PPP1R12A: variants seen among roughly 807,000 people sequenced by gnomAD.
PPP1R12A encodes the protein myosin binding subunit.
A neutral mutation model predicts 139.6 loss-of-function variants in PPP1R12A; 19 were observed. That is an observed-to-expected ratio of 0.14 (90% CI 0.09 to 0.20). The LOEUF is 0.20. Ranked by LOEUF, PPP1R12A falls within the 10% of genes least tolerant of loss-of-function variation. The pLI is 1.00. For missense variants in PPP1R12A, 925 were observed against 1,211.5 expected, an observed-to-expected ratio of 0.76 and a Z score of 3.51; for synonymous variants, 427 against 420.6, an observed-to-expected ratio of 1.02 and a Z score of -0.19.
rs901789018 is a variant in PPP1R12A at position 79,803,830 on chromosome 12, A to T, written c.2000+1762T>A. Among the ~76,000 whole-genome samples, 11 of 152,232 alleles carry T rather than the reference A, an allele frequency of 7.2e-5. No individual in the cohort carries two copies. The East Asian group carries it at 2.1e-3, about 29-fold the overall frequency. On this transcript the variant is annotated intron_variant, in intron 14 of 24. Coordinates refer to ENST00000450142, the MANE Select transcript of PPP1R12A (RefSeq NM_002480.3). Reference sequence around the variant, plus strand: ...AAATATATCCAAGCGTTTAATTTTCAATCTTCAATGTCTTCCATTAAAACT... The same window carrying T: ...AAATATATCCAAGCGTTTAATTTTCTATCTTCAATGTCTTCCATTAAAACT...
In PPP1R12A at chr12:79,796,963, A is replaced by G. The variant is rs971388721; in HGVS notation, c.2293-13T>C. ...AACGCTGGTAAGTCTGTGAAACATT[A>G]AGATCAAAACCCATTTGAAACATTA... On this transcript the variant is annotated splice_polypyrimidine_tract_variant and intron_variant, in intron 16 of 24. Coordinates refer to ENST00000450142, the MANE Select transcript of PPP1R12A (RefSeq NM_002480.3). The G allele has an allele frequency of 1.3e-6, 2 of 1,589,770 alleles. No homozygotes were observed. Among genetic ancestry groups the G allele is most frequent in the African/African-American group, 1.4e-5 (1 of 73,308 alleles).
At chr12:79,924,957 A>T (rs1887719648) in intron 1 of PPP1R12A, among the ~76,000 whole-genome samples, 1 of 152,196 alleles carries the variant, frequency 6.6e-6, no homozygotes, top group African/African-American at 2.4e-5. Flanking sequence ...AATATCATGT[A>T]ATCACGGATA....
chr12:79,809,490 G>A (rs1289713856), intron 10 of PPP1R12A, among the ~76,000 whole-genome samples: 2 of 151,956 alleles, frequency 1.3e-5, no homozygotes, highest in African/African-American at 4.8e-5. Flanking sequence ...ACTTCAGAAA[G>A]TTTCTTGAAT....
intron 3 of PPP1R12A, among the ~76,000 whole-genome samples, chr12:79,833,235 A>G (rs1399086458): frequency 6.6e-6 from 1 of 152,064 alleles, no homozygotes. Flanking sequence ...ATGCCACTGC[A>G]TTACAGCCTG....
At chr12:79,879,501 G>T (rs1163994179) in intron 1 of PPP1R12A, among the ~76,000 whole-genome samples, 6 of 152,128 alleles carry the variant, frequency 3.9e-5, no homozygotes, top group Non-Finnish European at 8.8e-5. Context: ...TGTAGAAAGG[G>T]AGATCCTATT....
At chr12:79,899,761 T>A (rs961372416) in intron 1 of PPP1R12A, among the ~76,000 whole-genome samples, 1 of 152,182 alleles carries the variant, frequency 6.6e-6, no homozygotes, top group Admixed American at 6.5e-5. Flanking sequence ...TCAGCAGGTA[T>A]ACACTGACTT....
intron 1 of PPP1R12A, among the ~76,000 whole-genome samples, chr12:79,874,503 T>C (rs1292888599): frequency 1.3e-5 from 2 of 152,070 alleles, no homozygotes; most frequent in Non-Finnish European, 2.9e-5. Context: ...AAAAATGTCA[T>C]TTGGTAACAG....
chr12:79,876,924 C>T (rs1592754792), intron 1 of PPP1R12A, among the ~76,000 whole-genome samples: 1 of 152,092 alleles, frequency 6.6e-6, no homozygotes, highest in Admixed American at 6.6e-5. Flanking sequence ...GACAGGAGAA[C>T]CGCTTGACCC....
chr12:79,808,535 T>C lies in PPP1R12A; in HGVS notation c.1498A>G (p.Thr500Ala). The change falls in exon 11 of 25, where the codon ACA (threonine) becomes GCA (alanine). Residue 500 changes from threonine (T) to alanine (A), a missense_variant. Physicochemically the swap from Thr to Ala is moderately conservative, Grantham distance 58 (BLOSUM62 0). Transcript: ENST00000450142. ...KGTRLAYVAP[T>A]IPRRLASTSD... The stretch of plus-strand genomic sequence containing the variant: ...GTACTGGCTAGTCGTCTTGGTATTG[T>C]AGGTGCAACATATGCAAGCCTAGTT... The C allele has an allele frequency of 1.9e-6, 3 of 1,610,012 alleles. No individual in the cohort carries two copies. The highest frequency in any genetic ancestry group is 1.7e-5 in the Admixed American group (1 of 59,800).
At chr12:79,839,955 A>G (rs949604462) in intron 3 of PPP1R12A, among the ~76,000 whole-genome samples, 10 of 152,354 alleles carry the variant, frequency 6.6e-5, no homozygotes, top group African/African-American at 2.4e-4. Context: ...AGATGCCCCT[A>G]TACTTTTGTT....
chr12:79,903,450 C>CAA (rs35870019), intron 1 of PPP1R12A, among the ~76,000 whole-genome samples: 1,450 of 134,056 alleles, frequency 0.011, 17 homozygotes, highest in African/African-American at 0.034. Flanking sequence ...GACTCCATCT[C>CAA]AAAAAAAAAA....
At chr12:79,899,078 CATT>C (rs1358600576) in intron 1 of PPP1R12A, among the ~76,000 whole-genome samples, 1 of 152,012 alleles carries the variant, frequency 6.6e-6, no homozygotes, top group African/African-American at 2.4e-5. Context: ...TTTATTTACA[CATT>C]AATACAGCTA....
intron 2 of PPP1R12A, among the ~76,000 whole-genome samples, chr12:79,867,597 A>C (rs750263245): frequency 3.9e-5 from 6 of 152,130 alleles, no homozygotes. Context: ...AAGCCAGTAC[A>C]TAAGGAGAAA....
intron 1 of PPP1R12A, among the ~76,000 whole-genome samples, chr12:79,933,513 G>A (rs1231401444): frequency 6.6e-6 from 1 of 152,118 alleles, no homozygotes; most frequent in East Asian, 1.9e-4. Flanking sequence ...ACACAACCAA[G>A]GCAACTTTGA....
At chr12:79,913,452 T>C (rs757766161) in intron 1 of PPP1R12A, among the ~76,000 whole-genome samples, 1 of 152,340 alleles carries the variant, frequency 6.6e-6, no homozygotes, top group East Asian at 1.9e-4. Flanking sequence ...TTCCCCACTT[T>C]TCTGAAATGC....
intron 2 of PPP1R12A, among the ~76,000 whole-genome samples, chr12:79,859,355 A>G (rs1397385766): frequency 1.4e-5 from 2 of 139,516 alleles, no homozygotes; most frequent in East Asian, 2.2e-4. Flanking sequence ...AAAAAGAAAG[A>G]AAAAAAAAAA....
Position 79,809,915 on chromosome 12 carries a change from G to A in PPP1R12A, c.1335C>T (p.Ser445=), listed in dbSNP as rs1874316118. ...TWRLGLRKTG[S]YGALAEITAS... ...CTGTGATTTCAGCAAGTGCACCATA[G>A]CTGCCCGTCTTTCTAAGTCCTAACC... Residue 445 remains serine (S), a synonymous_variant, in exon 10 of 25, where the codon AGC becomes AGT. Coordinates refer to ENST00000450142, the MANE Select transcript of PPP1R12A (RefSeq NM_002480.3). 4 of 1,613,458 alleles carry A rather than the reference G, an allele frequency of 2.5e-6. No homozygotes were observed. Among genetic ancestry groups the A allele is most frequent in the Non-Finnish European group, 3.4e-6 (4 of 1,179,614 alleles).
At chr12:79,906,216 T>A (rs1394702519) in intron 1 of PPP1R12A, among the ~76,000 whole-genome samples, 2 of 152,028 alleles carry the variant, frequency 1.3e-5, no homozygotes, top group Non-Finnish European at 2.9e-5. Flanking sequence ...AACATCCAAA[T>A]TAATATTAAT....
chr12:79,792,325 G>A (rs1356149569), intron 19 of PPP1R12A, among the ~76,000 whole-genome samples: 1 of 152,150 alleles, frequency 6.6e-6, no homozygotes, highest in Non-Finnish European at 1.5e-5. Flanking sequence ...GATAGGCCCT[G>A]TCTATCCTAA....
Sources: gnomAD v4.1 joint callset for allele counts (sites outside exome capture counted in the v4.1 genomes callset) on GRCh38, gnomAD v4.1.1 for gene constraint, MANE v1.5 for transcripts, NCBI Gene and HGNC (gene_info 2026-07-23, HGNC 2026-07-21) for gene names.